The following CBFA2T3 variants were observed in gnomAD, a reference collection of about 807,000 sequenced individuals.
The protein encoded by CBFA2T3 is transcriptional corepressor CBFA2T3.
In CBFA2T3, 31 loss-of-function variants were observed where a neutral mutation model predicts 58.6. The ratio of observed to expected loss-of-function variants is 0.53; its 90% CI spans 0.40 to 0.71. The LOEUF (loss-of-function observed/expected upper bound fraction) is 0.71. Ranked by LOEUF, CBFA2T3 falls within the 30% of genes least tolerant of loss-of-function variation. The pLI, the probability that CBFA2T3 is intolerant of heterozygous loss-of-function variation, is 0.00. For synonymous variants in CBFA2T3, 531 were observed against 421.9 expected, an observed-to-expected ratio of 1.26 and a Z score of -3.17; for missense variants, 1,076 against 963.1, an observed-to-expected ratio of 1.12 and a Z score of -1.55.
chr16:88,903,839 CT>C, intron 1 of CBFA2T3, among the ~76,000 whole-genome samples: 1 of 152,244 alleles, frequency 6.6e-6, no homozygotes, highest in Non-Finnish European at 1.5e-5. Flanking sequence ...GTCCAGGACA[CT>C]GGGGATGCCC....
At chr16:88,910,039 G>A (rs1259527884) in intron 1 of CBFA2T3, among the ~76,000 whole-genome samples, 2 of 152,228 alleles carry the variant, frequency 1.3e-5, no homozygotes, top group East Asian at 3.8e-4. Flanking sequence ...TGGCCCGGCT[G>A]TTCCTCGCTT....
intron 1 of CBFA2T3, among the ~76,000 whole-genome samples, chr16:88,963,843 G>A (rs777296490): frequency 6.6e-6 from 1 of 152,228 alleles, no homozygotes; most frequent in Non-Finnish European, 1.5e-5. Flanking sequence ...GCTCGGGTCC[G>A]TGCACGTCTG....
intron 1 of CBFA2T3, among the ~76,000 whole-genome samples, chr16:88,974,787 C>T (rs1972754926): frequency 6.6e-6 from 1 of 152,096 alleles, no homozygotes; most frequent in South Asian, 2.1e-4. Context: ...GGCCCCCGCT[C>T]CTCCAGCCAG....
chr16:88,893,371 T>C (rs993133780), intron 3 of CBFA2T3, among the ~76,000 whole-genome samples: 1 of 148,750 alleles, frequency 6.7e-6, no homozygotes, highest in South Asian at 2.1e-4. Flanking sequence ...CAGAGCAATG[T>C]CCCTCCTACA....
intron 1 of CBFA2T3, among the ~76,000 whole-genome samples, chr16:88,929,636 A>C (rs1180816239): frequency 8.3e-6 from 1 of 120,396 alleles, no homozygotes; most frequent in Admixed American, 8.2e-5. Flanking sequence ...TCCACGCAAA[A>C]ACTACCAATA....
At chr16:88,925,868 G>A (rs911732548) in intron 1 of CBFA2T3, among the ~76,000 whole-genome samples, 21 of 152,222 alleles carry the variant, frequency 1.4e-4, no homozygotes, top group Non-Finnish European at 2.4e-4. Context: ...CTGCGGAGTC[G>A]GTGCCATCCT....
intron 1 of CBFA2T3, among the ~76,000 whole-genome samples, chr16:88,956,002 G>T (rs953108689): frequency 6.0e-5 from 9 of 150,970 alleles, no homozygotes; most frequent in African/African-American, 2.0e-4. Flanking sequence ...CCCAGCCAAG[G>T]CTCCTGACCC....
intron 5 of CBFA2T3, among the ~76,000 whole-genome samples, chr16:88,889,918 G>A (rs1173041090): frequency 4.2e-5 from 6 of 143,252 alleles, no homozygotes; most frequent in Non-Finnish European, 9.1e-5. Context: ...GACGCCCCGC[G>A]ATTCCTCCTC....
intron 1 of CBFA2T3, among the ~76,000 whole-genome samples, chr16:88,910,759 G>C (rs1372920539): frequency 6.6e-6 from 1 of 152,208 alleles, no homozygotes; most frequent in Admixed American, 6.5e-5. Context: ...TCAGACCTGG[G>C]GCTCCCAGGC....
At position 88,950,482 on chromosome 16, in the gene CBFA2T3, G is replaced by C. The variant is rs542641994; in HGVS notation, c.151+26175C>G. 76 of 403,382 alleles carry C rather than the reference G, an allele frequency of 1.9e-4. 2 individuals carry two copies. Among genetic ancestry groups the C allele is most frequent in the African/African-American group, 1.7e-3 (63 of 36,114 alleles). The allele number at this position is 403,382 out of a possible 1,614,324, so 25.0% of individuals were successfully genotyped here. A position where few individuals can be genotyped will look rare whatever the true frequency, so the allele number is the denominator to read the frequency against. On this transcript the variant is annotated intron_variant, in intron 1 of 11. Coordinates refer to ENST00000268679, the MANE Select transcript of CBFA2T3 (RefSeq NM_005187.6). ...GATCTGTTCACCCCTCCCCCGGACCGGCACCGCCACAGAGGGTCAGGAGTG... is the reference window on the plus strand; with the variant it reads ...GATCTGTTCACCCCTCCCCCGGACCCGCACCGCCACAGAGGGTCAGGAGTG...
intron 3 of CBFA2T3, among the ~76,000 whole-genome samples, chr16:88,892,753 G>C (rs560496905): frequency 2.6e-5 from 4 of 152,178 alleles, no homozygotes; most frequent in African/African-American, 4.8e-5. Flanking sequence ...CCTGGAAATG[G>C]ATTCCCAGGG....
chr16:88,967,609 A>G (rs1972547465), intron 1 of CBFA2T3, among the ~76,000 whole-genome samples: 1 of 151,872 alleles, frequency 6.6e-6, no homozygotes, highest in African/African-American at 2.4e-5. Flanking sequence ...CACTGGACCT[A>G]CAGGAATTCC....
chr16:88,901,153 G>A (rs910985153), intron 2 of CBFA2T3, among the ~76,000 whole-genome samples: 3 of 152,266 alleles, frequency 2.0e-5, no homozygotes, highest in Non-Finnish European at 4.4e-5. Flanking sequence ...AGGCCTGCCG[G>A]ACGAGGCAGG....
intron 1 of CBFA2T3, among the ~76,000 whole-genome samples, chr16:88,965,924 C>T (rs1475899023): frequency 6.6e-6 from 1 of 152,244 alleles, no homozygotes; most frequent in African/African-American, 2.4e-5. Flanking sequence ...TGGCACCTGA[C>T]AGGTCCTCTC....
At chr16:88,916,690 C>G (rs989315688) in intron 1 of CBFA2T3, among the ~76,000 whole-genome samples, 22 of 152,100 alleles carry the variant, frequency 1.4e-4, no homozygotes, top group African/African-American at 5.3e-4. Context: ...TGCCTTCCCT[C>G]CTTGCCTCCC....
Position 88,915,360 on chromosome 16 carries a change from G to C in CBFA2T3, c.152-13704C>G, listed in dbSNP as rs1005554584. On this transcript the variant is annotated intron_variant, in intron 1 of 11. Transcript: ENST00000268679. The stretch of plus-strand genomic sequence containing the variant: ...CAGTCTGATCTCAACTCAGAGGAGG[G>C]ACAGCTCCTTCAGGAGCTCCACAAG... 4.7e-5 allele frequency among the ~76,000 whole-genome samples: 5 copies of C among 105,806 alleles called. No individual in the cohort carries two copies. In the East Asian group the frequency reaches 8.9e-4, roughly 19 times the overall value. The allele number at this position is 105,806 out of a possible 152,430, so 69.4% of individuals were successfully genotyped here.
chr16:88,879,551 G>C, intron 10 of CBFA2T3, 91 bp from the exon 11 acceptor site: 1 of 1,199,806 alleles, frequency 8.3e-7, no homozygotes, highest in South Asian at 1.4e-5. Context: ...CTGGGGACAG[G>C]GGCTGTGTGC....
chr16:88,900,858 C>T (rs1439895632), intron 2 of CBFA2T3, among the ~76,000 whole-genome samples: 6 of 152,282 alleles, frequency 3.9e-5, no homozygotes, highest in African/African-American at 7.2e-5. Flanking sequence ...CCACCATCGG[C>T]GGCTCTGTGC....
At chr16:88,894,726 C>A (rs1969818510) in intron 3 of CBFA2T3, among the ~76,000 whole-genome samples, 1 of 152,240 alleles carries the variant, frequency 6.6e-6, no homozygotes, top group Non-Finnish European at 1.5e-5. Context: ...GAGTGTGGGT[C>A]TACGGGTGGG....
Sources: gnomAD v4.1 joint callset for allele counts (sites outside exome capture counted in the v4.1 genomes callset) on GRCh38, gnomAD v4.1.1 for gene constraint, MANE v1.5 for transcripts, NCBI Gene and HGNC (gene_info 2026-07-23, HGNC 2026-07-21) for gene names.